MAP7D2: variants seen among roughly 807,000 people sequenced by gnomAD.
MAP7D2 encodes MAP7 domain-containing protein 2.
In MAP7D2, 33 loss-of-function variants were observed where a neutral mutation model predicts 63.5. The observed-to-expected ratio is 0.52, with a 90% CI of 0.39 to 0.70. The LOEUF (loss-of-function observed/expected upper bound fraction) is 0.70, where lower values mean the gene tolerates loss of function less well. Among genes scored for constraint, MAP7D2 ranks in the 30% least tolerant of loss-of-function variants. MAP7D2 has a pLI of 0.00. For missense variants in MAP7D2, 626 were observed against 604.0 expected (o/e 1.04, Z -0.38); for synonymous variants, 224 against 223.7 (o/e 1.00, Z -0.01).
At chrX:20,094,520 ATATATATATATATATATATATG>A (rs2066176221) in intron 1 of MAP7D2, among the ~76,000 whole-genome samples, 3 of 10,071 alleles carry the variant, frequency 3.0e-4, no homozygotes, top group Non-Finnish European at 4.5e-4. Flanking sequence ...ATATATGTAT[ATATATATATATATATATATATG>A]TATATATATA....
chrX:20,112,125 T>C (rs896097315), intron 1 of MAP7D2, among the ~76,000 whole-genome samples: 1 of 111,510 alleles, frequency 9.0e-6, no homozygotes, highest in Non-Finnish European at 1.9e-5. Flanking sequence ...GCGGGTGAGA[T>C]GACAAAGGAG....
At chrX:20,045,527 G>GAAAAA (rs1170223479) in intron 6 of MAP7D2, among the ~76,000 whole-genome samples, 5 of 17,999 alleles carry the variant, frequency 2.8e-4, no homozygotes, top group Non-Finnish European at 3.7e-4. Flanking sequence ...ACCCCATCTC[G>GAAAAA]AAAAAAAAAA....
At chrX:20,110,595 C>G (rs2066713848) in intron 1 of MAP7D2, among the ~76,000 whole-genome samples, 1 of 99,975 alleles carries the variant, frequency 1.0e-5, no homozygotes, top group Admixed American at 1.1e-4. Flanking sequence ...CCTGGGAGGT[C>G]AAGGCTGCAG....
intron 8 of MAP7D2, among the ~76,000 whole-genome samples, chrX:20,039,810 C>A (rs766465374): frequency 1.8e-5 from 2 of 109,915 alleles, no homozygotes; most frequent in Admixed American, 9.7e-5. Flanking sequence ...ACCATCCTGG[C>A]CAATGTGGTG....
intron 1 of MAP7D2, among the ~76,000 whole-genome samples, chrX:20,094,526 A>G (rs1191651571): frequency 5.9e-4 from 9 of 15,330 alleles, no homozygotes; most frequent in African/African-American, 4.0e-3. Context: ...GTATATATAT[A>G]TATATATATA....
Position 20,088,468 on chromosome X carries a change from G to GTTT in MAP7D2, c.131-23666_131-23664dup, listed in dbSNP as rs779366726. On this transcript the variant is annotated intron_variant, in intron 1 of 16. Coordinates refer to ENST00000379643, the MANE Select transcript of MAP7D2 (RefSeq NM_001168465.2). ...CCCCACCACACCCAGCTAATTTTCA[G>GTTT]TTTTTTTTTTTTTTTTTTTTTTTTT... 7.1e-4 allele frequency among the ~76,000 whole-genome samples: 29 copies of GTTT among 41,074 alleles called. 4 individuals carry two copies. The highest frequency in any genetic ancestry group is 4.0e-3 in the East Asian group (2 of 501). The allele number at this position is 41,074 out of a possible 115,157, so 35.7% of individuals were successfully genotyped here.
chrX:20,044,241 C>T (rs1198826036), intron 7 of MAP7D2, 123 bp downstream of exon 7: 10 of 734,401 alleles, frequency 1.4e-5, no homozygotes, highest in Non-Finnish European at 2.0e-5. Context: ...TCTACCCTTT[C>T]CTGCTTTGAG....
rs181808257 is a variant in MAP7D2 at position 20,055,712 on chromosome X, G to A, written c.484+968C>T. On this transcript the variant is annotated intron_variant, in intron 4 of 16. Coordinates refer to ENST00000379643, the MANE Select transcript of MAP7D2 (RefSeq NM_001168465.2). ...AGAACAGTTATCACAAAATGCTATG[G>A]CACAGTGATGCTCGGATATACCGTT... The A allele has an allele frequency of 2.9e-5, 26 of 884,411 alleles. No individual in the cohort carries two copies. The East Asian group carries it at 1.3e-3, about 46-fold the overall frequency. 72.9% of individuals were successfully genotyped at this position (884,411 alleles called of 1,213,427 possible). A position where few individuals can be genotyped will look rare whatever the true frequency, so the allele number is the denominator to read the frequency against.
intron 1 of MAP7D2, among the ~76,000 whole-genome samples, chrX:20,075,402 C>T (rs1603390740): frequency 9.5e-6 from 1 of 105,363 alleles, no homozygotes; most frequent in African/African-American, 3.5e-5. Context: ...TTTCATTAAT[C>T]GACACTGGAA....
chrX:20,044,008 G>A (rs774934965), intron 7 of MAP7D2, among the ~76,000 whole-genome samples: 4 of 111,697 alleles, frequency 3.6e-5, no homozygotes, highest in Non-Finnish European at 7.5e-5. Flanking sequence ...AAAAGTTGAC[G>A]TAGATCCTCA....
chrX:20,095,959 G>A (rs1389666274), intron 1 of MAP7D2, among the ~76,000 whole-genome samples: 1 of 107,777 alleles, frequency 9.3e-6, no homozygotes, highest in Non-Finnish European at 1.9e-5. Context: ...GTGGGCACCT[G>A]TAATCCCAGC....
intron 1 of MAP7D2, among the ~76,000 whole-genome samples, chrX:20,108,647 T>A (rs1271669694): frequency 1.8e-5 from 2 of 110,187 alleles, no homozygotes; most frequent in Non-Finnish European, 3.8e-5. Context: ...GGACTTGTAT[T>A]TTCCATGTCT....
chrX:20,064,417 T>C (rs1330198455), intron 2 of MAP7D2, among the ~76,000 whole-genome samples: 1 of 112,119 alleles, frequency 8.9e-6, no homozygotes, highest in African/African-American at 3.2e-5. Flanking sequence ...GTGTACACAG[T>C]TGACACTTGA....
chrX:20,092,095 C>G (rs1256122294), intron 1 of MAP7D2, among the ~76,000 whole-genome samples: 1 of 111,630 alleles, frequency 9.0e-6, no homozygotes, highest in Non-Finnish European at 1.9e-5. Flanking sequence ...AATGTGGATG[C>G]TACCAAGTCT....
intron 8 of MAP7D2, among the ~76,000 whole-genome samples, chrX:20,041,281 T>C (rs1203243266): frequency 9.0e-6 from 1 of 111,438 alleles, no homozygotes; most frequent in African/African-American, 3.3e-5. Context: ...AAAGAGGTGG[T>C]AGGATAACAA....
chrX:20,056,924 G>A (rs767688396), intron 3 of MAP7D2, 133 bp from the exon 4 acceptor site: 7 of 524,107 alleles, frequency 1.3e-5, no homozygotes, highest in Non-Finnish European at 2.2e-5. Flanking sequence ...CCAGGCATAC[G>A]TGCTCTCTCT....
At chrX:20,048,301 C>T (rs113408360) in intron 6 of MAP7D2, among the ~76,000 whole-genome samples, 7 of 111,892 alleles carry the variant, frequency 6.3e-5, no homozygotes, top group African/African-American at 1.6e-4. Flanking sequence ...ACCGTTGGCA[C>T]TGAGTCTCTA....
chrX:20,089,668 T>G (rs1488330361), intron 1 of MAP7D2, among the ~76,000 whole-genome samples: 1 of 112,426 alleles, frequency 8.9e-6, no homozygotes, highest in East Asian at 2.8e-4. Context: ...AGCACTGCCC[T>G]AGATGTCATT....
At chrX:20,055,500 G>A (rs1409353848) in intron 4 of MAP7D2, among the ~76,000 whole-genome samples, 1 of 111,912 alleles carries the variant, frequency 8.9e-6, no homozygotes, top group Non-Finnish European at 1.9e-5. Flanking sequence ...GCAGACGTTA[G>A]TGAGTTGAGG....
Sources: allele counts gnomAD v4.1 joint callset (sites outside exome capture counted in the v4.1 genomes callset), GRCh38; gene constraint gnomAD v4.1.1; transcripts MANE v1.5; gene names NCBI Gene and HGNC (gene_info 2026-07-23, HGNC 2026-07-21).